Variants in RAB38 observed in about 807,000 individuals in gnomAD.
RAB38 encodes the protein RAB38, member RAS oncogene family, also known as ras-related protein Rab-38.
A neutral mutation model predicts 18.4 loss-of-function variants in RAB38; 15 were observed. The observed-to-expected ratio is 0.82, with a 90% CI of 0.55 to 1.26. RAB38 has a LOEUF of 1.26. Ranked by LOEUF, RAB38 falls within the 50% of genes most tolerant of loss-of-function variation. The probability of loss-of-function intolerance (pLI) is 0.00; values close to 1 mark genes in which losing one functional copy is unlikely to be tolerated. For synonymous variants in RAB38, 101 were observed against 104.4 expected, an observed-to-expected ratio of 0.97 and a Z score of 0.20; for missense variants, 294 against 267.4, an observed-to-expected ratio of 1.10 and a Z score of -0.69.
the RAB38 span, among the ~76,000 whole-genome samples, chr11:87,934,127 T>A: frequency 6.6e-6 from 1 of 152,164 alleles, no homozygotes; most frequent in Non-Finnish European, 1.5e-5. Context: ...CACTTCAGTA[T>A]AATCAGCCTT....
chr11:87,856,585 A>G, the RAB38 span, among the ~76,000 whole-genome samples: 1 of 152,214 alleles, frequency 6.6e-6, no homozygotes, highest in African/African-American at 2.4e-5. Flanking sequence ...TTATTAAAAA[A>G]AATTTCTTAT....
chr11:87,936,515 A>G, the RAB38 span, among the ~76,000 whole-genome samples: 1 of 152,040 alleles, frequency 6.6e-6, no homozygotes, highest in African/African-American at 2.4e-5. Flanking sequence ...CTACCCCTCC[A>G]GCCCTGACAC....
Position 88,113,645 on chromosome 11 carries a change from C to T in RAB38, c.*343G>A. ...TGAAAGCCAGTCCTTGACTTGACAG[C>T]TAGTTTGTTCTTCTCCCCTTTTATT... On this transcript the variant is annotated 3_prime_UTR_variant, in exon 3 of 3. Transcript: ENST00000243662. 5.0e-6 allele frequency: 1 copy of T among 201,228 alleles called. No individual in the cohort carries two copies. The highest frequency in any genetic ancestry group is 1.1e-4 in the East Asian group (1 of 9,050). 12.5% of individuals were successfully genotyped at this position (201,228 alleles called of 1,614,324 possible).
At chr11:87,852,763 T>A in the RAB38 span, among the ~76,000 whole-genome samples, 6 of 152,194 alleles carry the variant, frequency 3.9e-5, no homozygotes, top group Non-Finnish European at 8.8e-5. Context: ...AGAACTAGTA[T>A]ACAACAACAC....
At chr11:88,139,760 A>G (rs988630099) in intron 2 of RAB38, among the ~76,000 whole-genome samples, 2 of 152,212 alleles carry the variant, frequency 1.3e-5, no homozygotes, top group African/African-American at 2.4e-5. Context: ...CAATCTTACC[A>G]AGCTCTTTAC....
the RAB38 span, among the ~76,000 whole-genome samples, chr11:88,013,656 C>G: frequency 6.6e-6 from 1 of 152,110 alleles, no homozygotes; most frequent in African/African-American, 2.4e-5. Flanking sequence ...AAGAAGGACT[C>G]ATCAGCAGGT....
the RAB38 span, among the ~76,000 whole-genome samples, chr11:87,952,903 C>T: frequency 6.6e-6 from 1 of 152,154 alleles, no homozygotes; most frequent in African/African-American, 2.4e-5. Context: ...TCTGAGATAA[C>T]CACTGTGTTT....
the RAB38 span, among the ~76,000 whole-genome samples, chr11:88,004,318 C>T: frequency 4.0e-5 from 6 of 150,928 alleles, no homozygotes; most frequent in Non-Finnish European, 8.9e-5. Flanking sequence ...CCTACGAATG[C>T]AAGTTTGATA....
the RAB38 span, among the ~76,000 whole-genome samples, chr11:88,052,422 A>G: frequency 6.6e-6 from 1 of 152,134 alleles, no homozygotes; most frequent in Admixed American, 6.5e-5. Context: ...ATTTTGGTAT[A>G]CGGCCCTATG....
At chr11:88,168,066 T>C (rs568420389) in intron 1 of RAB38, among the ~76,000 whole-genome samples, 2 of 152,314 alleles carry the variant, frequency 1.3e-5, no homozygotes, top group South Asian at 4.1e-4. Context: ...AGATGAGTGA[T>C]GGCTTTAGTA....
the RAB38 span, among the ~76,000 whole-genome samples, chr11:87,928,580 TAAAA>T: frequency 6.6e-6 from 1 of 151,844 alleles, no homozygotes; most frequent in Non-Finnish European, 1.5e-5. Flanking sequence ...GATCAAAGGG[TAAAA>T]ATACATAACG....
At chr11:87,953,464 A>AATATAAGTAG in the RAB38 span, among the ~76,000 whole-genome samples, 1 of 152,142 alleles carries the variant, frequency 6.6e-6, no homozygotes, top group East Asian at 1.9e-4. Context: ...CTTATATTTA[A>AATATAAGTAG]CTGTGGTCTG....
At chr11:87,915,109 G>A in the RAB38 span, among the ~76,000 whole-genome samples, 1 of 152,158 alleles carries the variant, frequency 6.6e-6, no homozygotes, top group African/African-American at 2.4e-5. Flanking sequence ...CAGAATGGTA[G>A]AGCCAGTGGC....
the RAB38 span, among the ~76,000 whole-genome samples, chr11:87,973,779 C>A: frequency 6.7e-6 from 1 of 148,754 alleles, no homozygotes; most frequent in South Asian, 2.2e-4. Flanking sequence ...ATAGGTCATT[C>A]AATGCCAGAA....
chr11:87,899,629 A>G, the RAB38 span, among the ~76,000 whole-genome samples: 2 of 151,564 alleles, frequency 1.3e-5, no homozygotes, highest in African/African-American at 4.8e-5. Context: ...TCTCTACCCC[A>G]ATGTCCTAAA....
the RAB38 span, among the ~76,000 whole-genome samples, chr11:88,028,104 T>A: frequency 6.6e-6 from 1 of 152,188 alleles, no homozygotes; most frequent in African/African-American, 2.4e-5. Flanking sequence ...CCGCTGCTGA[T>A]ACCCACGCAA....
intron 2 of RAB38, among the ~76,000 whole-genome samples, chr11:88,119,135 C>A (rs1008663189): frequency 6.6e-6 from 1 of 152,032 alleles, no homozygotes; most frequent in Non-Finnish European, 1.5e-5. Flanking sequence ...ATATTCATAT[C>A]CCTTGTAAAG....
chr11:88,069,323 G>A, the RAB38 span, among the ~76,000 whole-genome samples: 85 of 152,296 alleles, frequency 5.6e-4, no homozygotes, highest in African/African-American at 1.9e-3. Context: ...CCGCCATGCC[G>A]GAGGGCCCCC....
the RAB38 span, among the ~76,000 whole-genome samples, chr11:87,948,852 T>G: frequency 5.9e-5 from 9 of 152,140 alleles, no homozygotes; most frequent in Non-Finnish European, 1.3e-4. Flanking sequence ...CTAAAATTCT[T>G]TTTTTGTTGT....
Sources: allele counts gnomAD v4.1 joint callset (sites outside exome capture counted in the v4.1 genomes callset), GRCh38; gene constraint gnomAD v4.1.1; transcripts MANE v1.5; gene names NCBI Gene and HGNC (gene_info 2026-07-23, HGNC 2026-07-21).